Variants in CCDC13 observed in about 807,000 individuals in gnomAD.
CCDC13 encodes the protein coiled-coil domain-containing protein 13.
In CCDC13, 70 loss-of-function variants were observed where a neutral mutation model predicts 87.3. The ratio of observed to expected loss-of-function variants is 0.80; its 90% CI spans 0.66 to 0.98. CCDC13 has a LOEUF of 0.98. CCDC13 is among the 50% of genes least tolerant of loss of function. The probability of loss-of-function intolerance (pLI) is 0.00; values close to 1 mark genes in which losing one functional copy is unlikely to be tolerated. For synonymous variants in CCDC13, 317 were observed against 360.3 expected (o/e 0.88, Z 1.36); for missense variants, 842 against 892.0 (o/e 0.94, Z 0.71).
In CCDC13 at chr3:42,733,471, G is replaced by T; in HGVS notation, c.1510C>A (p.Arg504Ser). ...CCCTCCCTCCCATTGTTTTCTTACC[G>T]AGAAGATCCAAGCCTGCCAACATGA... ...GDHVGRLGSS[R>S]SVTSLGHTLV... Residue 504 changes from arginine (R) to serine (S), a missense_variant and splice_region_variant, in exon 11 of 16, where the codon CGC becomes AGC. By Grantham distance (110) the Arg-to-Ser change is moderately radical. Transcript: ENST00000310232. 2.5e-6 allele frequency: 4 copies of T among 1,614,052 alleles called. No individual in the cohort carries two copies. Among genetic ancestry groups the T allele is most frequent in the Non-Finnish European group, 3.4e-6 (4 of 1,179,996 alleles).
intron 14 of CCDC13, 70 bp downstream of exon 14, chr3:42,713,092 T>C (rs1160536595): frequency 1.3e-6 from 2 of 1,548,056 alleles, no homozygotes; most frequent in Admixed American, 1.8e-5. Flanking sequence ...ACAGTGCAGC[T>C]GCCTGGCTCC....
At chr3:42,750,220 A>C (rs780950285) in intron 5 of CCDC13, among the ~76,000 whole-genome samples, 27 of 152,236 alleles carry the variant, frequency 1.8e-4, no homozygotes, top group Non-Finnish European at 2.6e-4. Context: ...GGCTGCAGTC[A>C]AATGTTATCC....
chr3:42,726,970 A>G (rs1364484427), intron 13 of CCDC13, among the ~76,000 whole-genome samples: 3 of 152,222 alleles, frequency 2.0e-5, no homozygotes, highest in African/African-American at 7.2e-5. Flanking sequence ...GATGATAAAA[A>G]ACAATAGGAT....
At position 42,743,079 on chromosome 3, in the gene CCDC13, G is replaced by T. The variant is rs201291101; in HGVS notation, c.826-22C>A. The T allele has an allele frequency of 5.6e-5, 90 of 1,612,966 alleles. No individual in the cohort carries two copies. The Middle Eastern group carries it at 6.7e-3, about 121-fold the overall frequency. On this transcript the variant is annotated intron_variant, in intron 7 of 15. Coordinates refer to ENST00000310232, the MANE Select transcript of CCDC13 (RefSeq NM_144719.4). ...GAACCTGAGGATGGTAAAACTCGTC[G>T]TTCCACAATGGGTCTTCTGCCAGCC...
At chr3:42,729,153 T>C (rs1377148643) in intron 13 of CCDC13, among the ~76,000 whole-genome samples, 1 of 152,214 alleles carries the variant, frequency 6.6e-6, no homozygotes, top group Non-Finnish European at 1.5e-5. Flanking sequence ...GGATGGTTTG[T>C]TATGCAGCAA....
intron 1 of CCDC13, among the ~76,000 whole-genome samples, chr3:42,771,367 G>A (rs1381036064): frequency 1.3e-5 from 2 of 152,108 alleles, no homozygotes; most frequent in African/African-American, 4.8e-5. Flanking sequence ...AAAGCCTAGG[G>A]GGTTTTTGGG....
rs953038587 is a variant in CCDC13 at position 42,705,860 on chromosome 3, T to C, written c.*3120A>G. ...GACCTCCTTCCCTTGAAAATCCTTC[T>C]CCCAGGCTCTCCCCACCTTCCCTTT... is the stretch of plus-strand genomic sequence containing the variant. On this transcript the variant is annotated 3_prime_UTR_variant, in exon 16 of 16. Transcript: ENST00000310232. 6.6e-6 allele frequency among the ~76,000 whole-genome samples: 1 copy of C among 152,136 alleles called. No individual in the cohort carries two copies. The highest frequency in any genetic ancestry group is 1.5e-5 in the Non-Finnish European group (1 of 68,014).
rs6783750 is a variant in CCDC13 at position 42,705,936 on chromosome 3, C to T, written c.*3044G>A. ...GGAGATGTGAAGCCCCCTCTCTACC[C>T]AGATCTGATCAAGGAGGTTGGGAAC... On this transcript the variant is annotated 3_prime_UTR_variant, in exon 16 of 16. Transcript: ENST00000310232. 0.029 allele frequency: 4,451 copies of T among 152,468 alleles called. 194 individuals are homozygous for T. Among genetic ancestry groups the T allele is most frequent in the East Asian group, 0.19 (970 of 5,190 alleles). The allele number at this position is 152,468 out of a possible 1,614,324, so 9.4% of individuals were successfully genotyped here. A position where few individuals can be genotyped will look rare whatever the true frequency, so the allele number is the denominator to read the frequency against.
Position 42,746,936 on chromosome 3 carries a change from G to A in CCDC13, c.720+321C>T, listed in dbSNP as rs549996985. 9 of 462,480 alleles carry A rather than the reference G, an allele frequency of 1.9e-5. No individual in the cohort carries two copies. In the East Asian group the frequency reaches 3.6e-4, roughly 19 times the overall value. The allele number at this position is 462,480 out of a possible 1,614,324, so 28.6% of individuals were successfully genotyped here. ...CCCAGGATCTACTGGGGCACAAGTA[G>A]TGCAGGGAAGGCTTAATGGACTCTC... On this transcript the variant is annotated intron_variant, in intron 6 of 15. Coordinates refer to ENST00000310232, the MANE Select transcript of CCDC13 (RefSeq NM_144719.4).
chr3:42,739,514 G>A, intron 9 of CCDC13, 120 bp downstream of exon 9: 1 of 1,136,376 alleles, frequency 8.8e-7, no homozygotes, highest in Non-Finnish European at 1.2e-6. Context: ...GAGGCAACGG[G>A]CTTTGGGGTT....
rs756242941 is a variant in CCDC13 at position 42,758,156 on chromosome 3, C to G, written c.190G>C (p.Glu64Gln). 2.0e-5 allele frequency: 33 copies of G among 1,613,946 alleles called. No homozygotes were observed. The highest frequency in any genetic ancestry group is 2.7e-5 in the Non-Finnish European group (32 of 1,180,032). ...TCAAAGCTATTTTTCGAGTTTGGCT[C>G]CCCTGCGTGGAGAAGGCTGAGGCCA... ...SDGLSLLHAG[E>Q]PNSKNSFEKR... is the part of the protein sequence containing the mutation. Residue 64 changes from glutamate to glutamine, a missense_variant, in exon 2 of 16, where the codon GAG becomes CAG. Physicochemically the swap from Glu to Gln is conservative, Grantham distance 29. Coordinates refer to ENST00000310232, the MANE Select transcript of CCDC13 (RefSeq NM_144719.4).
In CCDC13 at chr3:42,709,815, A is replaced by G; in HGVS notation, c.1874-17T>C. The stretch of plus-strand genomic sequence containing the variant: ...TGGGCAGACCTGTGGGGCAGCAGCA[A>G]CCACTTTCTGTGAGGAGGCCACAGC... On this transcript the variant is annotated splice_polypyrimidine_tract_variant and intron_variant, in intron 14 of 15. Coordinates refer to ENST00000310232, the MANE Select transcript of CCDC13 (RefSeq NM_144719.4). 6.2e-7 allele frequency: 1 copy of G among 1,601,138 alleles called. No individual in the cohort carries two copies.
intron 8 of CCDC13, among the ~76,000 whole-genome samples, chr3:42,741,745 C>A (rs1209721799): frequency 6.6e-6 from 1 of 151,978 alleles, no homozygotes; most frequent in Non-Finnish European, 1.5e-5. Flanking sequence ...TAAAAAAAAA[C>A]AAAAACCGTT....
In CCDC13 at chr3:42,709,721, C is replaced by T. The variant is rs775102466; in HGVS notation, c.1951G>A (p.Val651Met). The T allele has an allele frequency of 2.5e-6, 4 of 1,614,084 alleles. No individual in the cohort carries two copies. The highest frequency in any genetic ancestry group is 2.2e-5 in the East Asian group (1 of 44,890). The change falls in exon 15 of 16, where the codon GTG becomes ATG. Residue 651 changes from valine (V) to methionine (M), a missense_variant. Val to Met is a conservative substitution (Grantham distance 21, BLOSUM62 1). Transcript: ENST00000310232. ...TCTTCCATTTGGGATTCCACGGGCA[C>T]ATCGGAGAGCTGGGCAAAGGATGGG... Reference protein sequence around the residue: ...KDPSFAQLSDVPVESQMEELT... With the variant: ...KDPSFAQLSDMPVESQMEELT...
chr3:42,725,791 G>C lies in CCDC13; in HGVS notation c.1718+4676C>G, dbSNP rs28508577. 2.9e-3 allele frequency among the ~76,000 whole-genome samples: 439 copies of C among 151,840 alleles called. 3 individuals are homozygous for C. The Middle Eastern group carries it at 0.034, about 12-fold the overall frequency. On this transcript the variant is annotated intron_variant, in intron 13 of 15. Transcript: ENST00000310232. ...ATGCAGAACACCTCCACAGAAACAC[G>C]GTCATCACCTAAGAACTCCTACAAG... is the stretch of plus-strand genomic sequence containing the variant.
intron 5 of CCDC13, chr3:42,750,089 C>T: frequency 2.8e-6 from 1 of 363,432 alleles, no homozygotes. Flanking sequence ...TCCCAGGCTC[C>T]CTGTGGCCAC....
At chr3:42,757,652 A>G (rs1233650333) in intron 2 of CCDC13, among the ~76,000 whole-genome samples, 1 of 152,206 alleles carries the variant, frequency 6.6e-6, no homozygotes, top group Non-Finnish European at 1.5e-5. Flanking sequence ...CAGGAGCTTG[A>G]GGCTGCAGTG....
intron 3 of CCDC13, among the ~76,000 whole-genome samples, chr3:42,754,147 C>A (rs1465044622): frequency 6.6e-6 from 1 of 152,128 alleles, no homozygotes; most frequent in African/African-American, 2.4e-5. Flanking sequence ...TTAACATGAC[C>A]ATCATATGCC....
chr3:42,733,245 G>C (rs78716611), intron 11 of CCDC13, among the ~76,000 whole-genome samples: 81 of 152,334 alleles, frequency 5.3e-4, no homozygotes, highest in Non-Finnish European at 1.0e-3. Context: ...CTCTTACAGA[G>C]AGCTGCAACC....
Sources: gnomAD v4.1 joint callset for allele counts (sites outside exome capture counted in the v4.1 genomes callset) on GRCh38, gnomAD v4.1.1 for gene constraint, MANE v1.5 for transcripts, NCBI Gene and HGNC (gene_info 2026-07-23, HGNC 2026-07-21) for gene names.